The following FAT3 variants were observed in gnomAD, a reference collection of about 807,000 sequenced individuals.
FAT3 encodes the protein FAT atypical cadherin 3, also known as protocadherin Fat 3.
A neutral mutation model predicts 310.2 loss-of-function variants in FAT3; 95 were observed. The ratio of observed to expected loss-of-function variants is 0.31; its 90% CI spans 0.26 to 0.36. The LOEUF is 0.36. Ranked by LOEUF, FAT3 falls within the 10% of genes least tolerant of loss-of-function variation. The pLI is 1.00. For missense variants in FAT3, 5,408 were observed against 5,715.6 expected (o/e 0.95, Z 1.74); for synonymous variants, 2,314 against 2,192.9 (o/e 1.06, Z -1.54).
intron 3 of FAT3, among the ~76,000 whole-genome samples, chr11:92,676,200 A>G (rs1296844400): frequency 6.6e-6 from 1 of 152,196 alleles, no homozygotes; most frequent in Non-Finnish European, 1.5e-5. Context: ...TCCAAATGGA[A>G]ACTGGTTTAG....
intron 12 of FAT3, among the ~76,000 whole-genome samples, chr11:92,808,021 T>C (rs1054935045): frequency 2.6e-5 from 4 of 152,148 alleles, no homozygotes; most frequent in African/African-American, 9.7e-5. Context: ...TTGTAAGAGG[T>C]TGCATCCTAC....
At position 92,800,444 on chromosome 11, in the gene FAT3, C is replaced by T; in HGVS notation, c.7431C>T (p.Thr2477=). Residue 2477 remains threonine (T), a synonymous_variant, in exon 10 of 28, where the codon ACC becomes ACT. Coordinates refer to ENST00000525166, the MANE Select transcript of FAT3 (RefSeq NM_001367949.2). ...LNVSVSDGLF[T]STAQVHIRVL... ...TGTCTGTCTCTGATGGGTTGTTCACCAGCACTGCACAGGTGCATATTAGGG... is the reference window on the plus strand; with the variant it reads ...TGTCTGTCTCTGATGGGTTGTTCACTAGCACTGCACAGGTGCATATTAGGG... The T allele has an allele frequency of 6.2e-7, 1 of 1,613,976 alleles. No individual in the cohort carries two copies. Among genetic ancestry groups the T allele is most frequent in the Non-Finnish European group, 8.5e-7 (1 of 1,179,878 alleles).
intron 13 of FAT3, among the ~76,000 whole-genome samples, chr11:92,813,029 CT>C (rs1195294828): frequency 6.6e-6 from 1 of 152,150 alleles, no homozygotes; most frequent in Non-Finnish European, 1.5e-5. Flanking sequence ...GGCACTTCCC[CT>C]TTCTGCCATC....
intron 3 of FAT3, among the ~76,000 whole-genome samples, chr11:92,671,561 C>T (rs1943128803): frequency 6.6e-6 from 1 of 152,010 alleles, no homozygotes; most frequent in Non-Finnish European, 1.5e-5. Context: ...ATGGGCCTTC[C>T]CTGTACACTG....
intron 2 of FAT3, among the ~76,000 whole-genome samples, chr11:92,473,388 AT>A (rs1271216271): frequency 6.6e-6 from 1 of 151,942 alleles, no homozygotes; most frequent in Non-Finnish European, 1.5e-5. Context: ...ATCTTATTAT[AT>A]TTTCACACCT....
intron 4 of FAT3, among the ~76,000 whole-genome samples, chr11:92,739,653 A>G (rs1945449291): frequency 6.6e-6 from 1 of 152,214 alleles, no homozygotes; most frequent in African/African-American, 2.4e-5. Flanking sequence ...ATGCTTATTC[A>G]CAAAGTTACA....
chr11:92,385,996 C>G (rs1949610369), intron 2 of FAT3, among the ~76,000 whole-genome samples: 1 of 151,878 alleles, frequency 6.6e-6, no homozygotes, highest in Non-Finnish European at 1.5e-5. Flanking sequence ...AAATACAAAA[C>G]CATTAGCTAG....
intron 2 of FAT3, among the ~76,000 whole-genome samples, chr11:92,506,460 A>G (rs1396226366): frequency 1.3e-5 from 2 of 152,190 alleles, no homozygotes; most frequent in Non-Finnish European, 2.9e-5. Flanking sequence ...TGGATATTGG[A>G]TATGTTATCA....
At chr11:92,231,421 G>T (rs2134229167) in intron 1 of FAT3, among the ~76,000 whole-genome samples, 1 of 152,244 alleles carries the variant, frequency 6.6e-6, no homozygotes. Context: ...GATCCTACTT[G>T]TACTTTTCAG....
In FAT3 at chr11:92,867,127, G is replaced by T; in HGVS notation, c.12045G>T (p.Lys4015Asn). 6.2e-7 allele frequency: 1 copy of T among 1,602,448 alleles called. No individual in the cohort carries two copies. Among genetic ancestry groups the T allele is most frequent in the Non-Finnish European group, 8.5e-7 (1 of 1,175,456 alleles). ...AGGTGGTGGGCCTGACGGAGCTGAA[G>T]CTGGGCTGCGTGCTCTATCCCGACG... ...FAEVVGLTEL[K>N]LGCVLYPDAC... Residue 4015 changes from lysine (K) to asparagine (N), a missense_variant, in exon 22 of 28, where the codon AAG becomes AAT. By Grantham distance (94) the Lys-to-Asn change is moderately conservative (BLOSUM62 0). Coordinates refer to ENST00000525166, the MANE Select transcript of FAT3 (RefSeq NM_001367949.2).
intron 1 of FAT3, among the ~76,000 whole-genome samples, chr11:92,227,872 A>C (rs1469493288): frequency 6.6e-6 from 1 of 151,640 alleles, no homozygotes; most frequent in African/African-American, 2.4e-5. Context: ...TAACTTTAGC[A>C]CTTTGATGTG....
At chr11:92,543,478 T>A (rs1954517689) in intron 3 of FAT3, among the ~76,000 whole-genome samples, 1 of 152,206 alleles carries the variant, frequency 6.6e-6, no homozygotes, top group Non-Finnish European at 1.5e-5. Context: ...AAGTTTCTTT[T>A]TAAGCAGCAG....
intron 1 of FAT3, among the ~76,000 whole-genome samples, chr11:92,330,674 T>C (rs1314011110): frequency 6.6e-6 from 1 of 152,282 alleles, no homozygotes; most frequent in African/African-American, 2.4e-5. Context: ...AAGGGCATTG[T>C]GTTGGGTGAT....
chr11:92,646,068 A>G (rs1362226539), intron 3 of FAT3, among the ~76,000 whole-genome samples: 1 of 152,238 alleles, frequency 6.6e-6, no homozygotes, highest in Non-Finnish European at 1.5e-5. Context: ...TCTTACAACA[A>G]TCAACATTTC....
At chr11:92,241,342 G>A (rs948124073) in intron 1 of FAT3, among the ~76,000 whole-genome samples, 6 of 152,018 alleles carry the variant, frequency 3.9e-5, no homozygotes, top group Non-Finnish European at 5.9e-5. Flanking sequence ...CTCAGCAAAT[G>A]GAGTACTCAT....
chr11:92,324,073 G>A (rs1947702811), intron 1 of FAT3, among the ~76,000 whole-genome samples: 1 of 152,108 alleles, frequency 6.6e-6, no homozygotes, highest in African/African-American at 2.4e-5. Flanking sequence ...AGAAAGTTAG[G>A]GCCTTGCTCT....
intron 2 of FAT3, among the ~76,000 whole-genome samples, chr11:92,414,791 A>G (rs1950370335): frequency 6.6e-6 from 1 of 152,078 alleles, no homozygotes; most frequent in African/African-American, 2.4e-5. Context: ...CGGGCGGATC[A>G]CGAGGTCGGG....
intron 3 of FAT3, among the ~76,000 whole-genome samples, chr11:92,556,816 G>A (rs185985657): frequency 1.2e-3 from 190 of 152,076 alleles, no homozygotes; most frequent in African/African-American, 4.3e-3. Context: ...ATTATTCCTC[G>A]AAAATGCTCC....
intron 3 of FAT3, among the ~76,000 whole-genome samples, chr11:92,549,863 T>G (rs946329016): frequency 6.6e-6 from 1 of 152,166 alleles, no homozygotes; most frequent in Non-Finnish European, 1.5e-5. Context: ...CCAACATTTT[T>G]TAGTAATAGG....
Sources: gnomAD v4.1 joint callset for allele counts (sites outside exome capture counted in the v4.1 genomes callset) on GRCh38, gnomAD v4.1.1 for gene constraint, MANE v1.5 for transcripts, NCBI Gene and HGNC (gene_info 2026-07-23, HGNC 2026-07-21) for gene names.